DLGAP1: variants seen among roughly 807,000 people sequenced by gnomAD.
DLGAP1 encodes the protein DLG associated protein 1.
DLGAP1 carries 11 observed loss-of-function variants against 90.8 expected under a neutral mutation model. The ratio of observed to expected loss-of-function variants is 0.12; its 90% confidence interval spans 0.08 to 0.20. The LOEUF is 0.20. DLGAP1 is among the 10% of genes least tolerant of loss of function. The pLI is 1.00. For synonymous variants in DLGAP1, 558 were observed against 540.7 expected, an observed-to-expected ratio of 1.03 and a Z score of -0.44; for missense variants, 1,050 against 1,333.8, an observed-to-expected ratio of 0.79 and a Z score of 3.31.
At chr18:3,756,271 G>A (rs1270953591) in intron 5 of DLGAP1, among the ~76,000 whole-genome samples, 4 of 151,948 alleles carry the variant, frequency 2.6e-5, no homozygotes, top group African/African-American at 7.3e-5. Context: ...GGATGGTCTC[G>A]ATCTCCTGAC....
chr18:4,237,261 A>G (rs2145100904), intron 1 of DLGAP1, among the ~76,000 whole-genome samples: 1 of 152,168 alleles, frequency 6.6e-6, no homozygotes, highest in East Asian at 1.9e-4. Flanking sequence ...CTAAATTTAT[A>G]CTTGTTGTTG....
At chr18:3,621,804 TTAAAA>T (rs1214724724) in intron 7 of DLGAP1, among the ~76,000 whole-genome samples, 5 of 152,074 alleles carry the variant, frequency 3.3e-5, no homozygotes, top group Non-Finnish European at 7.4e-5. Flanking sequence ...CTGCAAAAAC[TTAAAA>T]TAAAAGAAAT....
Position 3,567,486 on chromosome 18 carries a change from T to C in DLGAP1, c.2057+4A>G, listed in dbSNP as rs777229428. 2 of 1,612,972 alleles carry C rather than the reference T, an allele frequency of 1.2e-6. No homozygotes were observed. The highest frequency in any genetic ancestry group is 1.1e-5 in the South Asian group (1 of 90,980). ...CAAAAGAGGATGCGTGCATGTGGAC[T>C]TACCACTTCTCTTCTTCTACTTGCA... On this transcript the variant is annotated splice_donor_region_variant and intron_variant, in intron 9 of 12. Coordinates refer to ENST00000315677, the MANE Select transcript of DLGAP1 (RefSeq NM_004746.4).
intron 3 of DLGAP1, among the ~76,000 whole-genome samples, chr18:3,914,218 C>G (rs1036306650): frequency 6.6e-6 from 1 of 152,170 alleles, no homozygotes; most frequent in East Asian, 1.9e-4. Flanking sequence ...CCTTCCCTTT[C>G]CCCCAGGCTC....
intron 2 of DLGAP1, among the ~76,000 whole-genome samples, chr18:4,014,347 C>A (rs901844441): frequency 1.3e-5 from 2 of 152,030 alleles, no homozygotes; most frequent in African/African-American, 2.4e-5. Flanking sequence ...CCTACTTAGC[C>A]AACTTTTAAG....
At chr18:3,891,137 T>C (rs1295637584) in intron 3 of DLGAP1, among the ~76,000 whole-genome samples, 2 of 152,230 alleles carry the variant, frequency 1.3e-5, no homozygotes, top group Non-Finnish European at 2.9e-5. Context: ...GCTCCCACTT[T>C]TCCTGCCCTC....
At chr18:4,114,078 G>A (rs1278333995) in intron 2 of DLGAP1, among the ~76,000 whole-genome samples, 31 of 114,382 alleles carry the variant, frequency 2.7e-4, no homozygotes, top group Non-Finnish European at 4.5e-4. Context: ...TTTTTTTTTG[G>A]TTTGCTTAGA....
rs1166934619 is a variant in DLGAP1, at chr18:3,653,714, T to C, written c.1592-71466A>G. On this transcript the variant is annotated intron_variant, in intron 7 of 12. Transcript: ENST00000315677. This position sits in a 1 kb window ranked among gnomAD's most constrained non-coding sequence, Gnocchi z 4.6. ...GAATAAGAGAATCTACCTAAAATAT[T>C]AATACTAGTTTCAGAGCTCTAGGAT... The C allele has an allele frequency of 6.6e-6, 1 of 152,168 alleles. No individual in the cohort carries two copies. Among genetic ancestry groups the C allele is most frequent in the Non-Finnish European group, 1.5e-5 (1 of 68,028 alleles). The allele number at this position is 152,168 out of a possible 1,614,324, so 9.4% of individuals were successfully genotyped here.
At position 4,179,153 on chromosome 18, in the gene DLGAP1, C is replaced by T. The variant is rs377629963; in HGVS notation, c.-266-27866G>A. Reference sequence around the variant, plus strand: ...CCTTTAAGCTTAAGACAAAGAAATACGGTTTTTATTTATTGGATAAGTCTG... The same window carrying T: ...CCTTTAAGCTTAAGACAAAGAAATATGGTTTTTATTTATTGGATAAGTCTG... On this transcript the variant is annotated intron_variant, in intron 1 of 12. Coordinates refer to ENST00000315677, the MANE Select transcript of DLGAP1 (RefSeq NM_004746.4). 5.3e-5 allele frequency among the ~76,000 whole-genome samples: 8 copies of T among 152,208 alleles called. No individual in the cohort carries two copies. In the South Asian group the frequency reaches 6.2e-4, roughly 12 times the overall value.
chr18:4,226,388 AC>A (rs1258796989), intron 1 of DLGAP1, among the ~76,000 whole-genome samples: 3 of 152,154 alleles, frequency 2.0e-5, no homozygotes, highest in African/African-American at 7.2e-5. Flanking sequence ...GCACAGGAAA[AC>A]AAAATATAAT....
At chr18:3,768,813 T>C (rs897581058) in intron 5 of DLGAP1, among the ~76,000 whole-genome samples, 1 of 152,176 alleles carries the variant, frequency 6.6e-6, no homozygotes, top group African/African-American at 2.4e-5. Flanking sequence ...TATGAAACTA[T>C]AAAACTTTTA....
intron 3 of DLGAP1, among the ~76,000 whole-genome samples, chr18:3,901,913 T>A (rs1599136459): frequency 1.3e-5 from 2 of 152,150 alleles, no homozygotes; most frequent in African/African-American, 4.8e-5. Context: ...CCCTAAGGTG[T>A]CCGTGGTACT....
intron 2 of DLGAP1, among the ~76,000 whole-genome samples, chr18:4,135,228 T>G (rs1203399434): frequency 6.6e-6 from 1 of 151,656 alleles, no homozygotes; most frequent in Non-Finnish European, 1.5e-5. Flanking sequence ...ACTGGGTGGG[T>G]GGGTAGAGGT....
chr18:3,621,642 C>G (rs1030006422), intron 7 of DLGAP1, among the ~76,000 whole-genome samples: 5 of 152,176 alleles, frequency 3.3e-5, no homozygotes, highest in African/African-American at 1.2e-4. Context: ...TGTTACTTTC[C>G]TTTTTCTGTC....
At chr18:3,708,734 G>A (rs1023129173) in intron 7 of DLGAP1, among the ~76,000 whole-genome samples, 4 of 152,168 alleles carry the variant, frequency 2.6e-5, no homozygotes, top group African/African-American at 9.7e-5. Flanking sequence ...GATACAAAAG[G>A]ACCTGAATTA....
intron 1 of DLGAP1, among the ~76,000 whole-genome samples, chr18:4,372,788 C>T (rs780517946): frequency 4.0e-5 from 6 of 151,748 alleles, no homozygotes; most frequent in Non-Finnish European, 8.8e-5. Context: ...ATTAGCCAGG[C>T]GTGGTAGTGC....
intron 1 of DLGAP1, among the ~76,000 whole-genome samples, chr18:4,236,892 G>A (rs1450991922): frequency 6.6e-6 from 1 of 152,118 alleles, no homozygotes; most frequent in Non-Finnish European, 1.5e-5. Context: ...CAGTTAAAGA[G>A]ATGTGCTTCG....
chr18:4,271,487 A>G (rs1276208547), intron 1 of DLGAP1, among the ~76,000 whole-genome samples: 1 of 152,224 alleles, frequency 6.6e-6, no homozygotes, highest in Non-Finnish European at 1.5e-5. Flanking sequence ...AATTTGGCCT[A>G]CCAATGGTGA....
chr18:4,348,400 ATGTGTGTGTGTGTGTG>A (rs71160958), intron 1 of DLGAP1, among the ~76,000 whole-genome samples: 31 of 133,488 alleles, frequency 2.3e-4, no homozygotes, highest in African/African-American at 7.7e-4. Context: ...GAACTCAGGA[ATGTGTGTGTGTGTGTG>A]TGTGTGTGTG....
Sources: allele counts gnomAD v4.1 joint callset (sites outside exome capture counted in the v4.1 genomes callset), GRCh38; gene constraint gnomAD v4.1.1; non-coding constraint Gnocchi (gnomAD v3.1); transcripts MANE v1.5; gene names NCBI Gene and HGNC (gene_info 2026-07-23, HGNC 2026-07-21).